CHN2: variants seen among roughly 807,000 people sequenced by gnomAD.
CHN2 encodes the protein chimerin 2.
In CHN2, 35 loss-of-function variants were observed where a neutral mutation model predicts 56.3. That is an observed-to-expected ratio of 0.62 (90% CI 0.47 to 0.82). The LOEUF (loss-of-function observed/expected upper bound fraction) is 0.82, where lower values mean the gene tolerates loss of function less well. CHN2 is among the 40% of genes least tolerant of loss of function. The probability of loss-of-function intolerance (pLI) is 0.00; values close to 1 mark genes in which losing one functional copy is unlikely to be tolerated. For synonymous variants in CHN2, 210 were observed against 212.8 expected, an observed-to-expected ratio of 0.99 and a Z score of 0.12; for missense variants, 491 against 580.5, an observed-to-expected ratio of 0.85 and a Z score of 1.58.
chr7:29,495,047 C>A (rs1468553281), intron 7 of CHN2, among the ~76,000 whole-genome samples: 1 of 138,968 alleles, frequency 7.2e-6, no homozygotes, highest in African/African-American at 2.6e-5. Flanking sequence ...TGCTTTATAA[C>A]ATTTTAACTT....
chr7:29,335,720 G>GTGC (rs1214993315), intron 1 of CHN2: 1 of 152,210 alleles, frequency 6.6e-6, no homozygotes, highest in Non-Finnish European at 1.5e-5. Flanking sequence ...CTGCCAGCTT[G>GTGC]TGCCTGACTA....
intron 1 of CHN2, among the ~76,000 whole-genome samples, chr7:29,291,846 A>G (rs903584724): frequency 1.3e-5 from 2 of 152,222 alleles, no homozygotes; most frequent in African/African-American, 2.4e-5. Context: ...GTATCTGTGT[A>G]GCAAAAGTTA....
intron 7 of CHN2, among the ~76,000 whole-genome samples, chr7:29,495,315 G>T (rs768665306): frequency 7.1e-4 from 108 of 152,276 alleles, no homozygotes; most frequent in Non-Finnish European, 4.6e-4. Context: ...AATGAGACCA[G>T]CACTTTGGTC....
At chr7:29,375,257 G>A (rs568723012) in intron 3 of CHN2, among the ~76,000 whole-genome samples, 80 of 131,550 alleles carry the variant, frequency 6.1e-4, no homozygotes, top group African/African-American at 2.2e-3. Context: ...GGAGTGCAAT[G>A]GCATGATCTT....
chr7:29,146,964 A>T (rs1488763652), intron 2 of CHN2: 2 of 1,550,934 alleles, frequency 1.3e-6, no homozygotes, highest in Non-Finnish European at 1.7e-6. Context: ...ACTAGCAGTA[A>T]GCTCGCACCA....
intron 8 of CHN2, among the ~76,000 whole-genome samples, chr7:29,498,038 G>A (rs1789490247): frequency 6.6e-6 from 1 of 152,148 alleles, no homozygotes; most frequent in African/African-American, 2.4e-5. Context: ...CTTAAAAATG[G>A]TTAAAATGAT....
intron 1 of CHN2, among the ~76,000 whole-genome samples, chr7:29,275,741 A>G (rs39104): frequency 0.67 from 101,975 of 151,876 alleles, 34,763 homozygotes; most frequent in East Asian, 0.95. Flanking sequence ...CTCAGGTTGC[A>G]CATGGCTGGG....
intron 2 of CHN2, among the ~76,000 whole-genome samples, chr7:29,152,347 G>A (rs1204896899): frequency 1.3e-5 from 2 of 152,128 alleles, no homozygotes; most frequent in African/African-American, 4.8e-5. Flanking sequence ...GCTACACCTA[G>A]GAGCACCAAG....
chr7:29,272,415 C>T (rs1484612765), intron 1 of CHN2, among the ~76,000 whole-genome samples: 1 of 152,148 alleles, frequency 6.6e-6, no homozygotes, highest in African/African-American at 2.4e-5. Context: ...TGTGAACCTC[C>T]TGGACCAAAG....
chr7:29,222,898 A>C (rs141991737), intron 1 of CHN2, among the ~76,000 whole-genome samples: 2 of 152,212 alleles, frequency 1.3e-5, no homozygotes, highest in African/African-American at 4.8e-5. Context: ...TCAAGGATAC[A>C]TGAATAGAGC....
At chr7:29,174,735 C>T (rs1020504754) in intron 2 of CHN2, among the ~76,000 whole-genome samples, 1 of 151,938 alleles carries the variant, frequency 6.6e-6, no homozygotes, top group African/African-American at 2.4e-5. Context: ...TGGCACACAC[C>T]TGTAATCCCA....
chr7:29,431,140 C>A (rs1782833220), intron 6 of CHN2, among the ~76,000 whole-genome samples: 1 of 152,124 alleles, frequency 6.6e-6, no homozygotes, highest in South Asian at 2.1e-4. Context: ...TGCAACTGTC[C>A]AATTAAAACG....
At position 29,496,353 on chromosome 7, in the gene CHN2, A is replaced by G. The variant is rs533142517; in HGVS notation, c.739+317A>G. On this transcript the variant is annotated intron_variant, in intron 8 of 12. Coordinates refer to ENST00000222792, the MANE Select transcript of CHN2 (RefSeq NM_004067.4). Reference sequence around the variant, plus strand: ...AATTCCAATGGAACTGCATAGCTAGAAAAGCCATACTTTGTCCTACCCCAT... The same window carrying G: ...AATTCCAATGGAACTGCATAGCTAGGAAAGCCATACTTTGTCCTACCCCAT... 2.6e-5 allele frequency among the ~76,000 whole-genome samples: 4 copies of G among 152,304 alleles called. No individual in the cohort carries two copies. The East Asian group carries it at 7.7e-4, about 29-fold the overall frequency.
chr7:29,218,643 G>A (rs982858617), intron 1 of CHN2, among the ~76,000 whole-genome samples: 10 of 152,042 alleles, frequency 6.6e-5, no homozygotes, highest in Non-Finnish European at 1.3e-4. Flanking sequence ...ATGAGCTCAT[G>A]TCCTTTGTAG....
chr7:29,423,864 A>G (rs1804584667), intron 6 of CHN2, among the ~76,000 whole-genome samples: 1 of 152,162 alleles, frequency 6.6e-6, no homozygotes, highest in Non-Finnish European at 1.5e-5. Flanking sequence ...TTTGTAGTCC[A>G]TGCCCCATTT....
intron 1 of CHN2, among the ~76,000 whole-genome samples, chr7:29,334,049 C>CTTT (rs70980529): frequency 8.1e-5 from 10 of 123,128 alleles, no homozygotes; most frequent in South Asian, 2.5e-4. Context: ...AATTTCTTTT[C>CTTT]TTTTTTTTTT....
intron 8 of CHN2, 82 bp from the exon 9 acceptor site, chr7:29,499,785 T>C: frequency 7.5e-7 from 1 of 1,331,738 alleles, no homozygotes; most frequent in African/African-American, 1.5e-5. Context: ...GGTGGTGATA[T>C]TTTTATTTTT....
At chr7:29,194,069 G>C (rs1783243156), upstream of CHN2, 2 of 152,324 alleles carry the variant, frequency 1.3e-5, no homozygotes, top group Admixed American at 1.3e-4. Context: ...TGTCATCCCA[G>C]GTTCCCTTCT....
At chr7:29,249,444 T>C (rs1010929319) in intron 1 of CHN2, among the ~76,000 whole-genome samples, 6 of 152,228 alleles carry the variant, frequency 3.9e-5, no homozygotes, top group Non-Finnish European at 5.9e-5. Context: ...CCTGCCCACA[T>C]GGAGGGCCGA....
Sources: allele counts gnomAD v4.1 joint callset (sites outside exome capture counted in the v4.1 genomes callset), GRCh38; gene constraint gnomAD v4.1.1; transcripts MANE v1.5; gene names NCBI Gene and HGNC (gene_info 2026-07-23, HGNC 2026-07-21).